CDC42EP4: variants seen among roughly 807,000 people sequenced by gnomAD.
CDC42EP4 encodes the protein CDC42 effector protein 4.
Under a neutral mutation model 5.6 loss-of-function variants are expected in CDC42EP4, and 6 were observed. The ratio of observed to expected loss-of-function variants is 1.07; its 90% confidence interval spans 0.59 to 2.12. CDC42EP4 has a LOEUF of 2.12. CDC42EP4 is among the 30% of genes most tolerant of loss of function. The probability of loss-of-function intolerance (pLI) is 0.00; values close to 1 mark genes in which losing one functional copy is unlikely to be tolerated. For missense variants in CDC42EP4, 490 were observed against 508.6 expected, an observed-to-expected ratio of 0.96 and a Z score of 0.35; for synonymous variants, 230 against 224.2, an observed-to-expected ratio of 1.03 and a Z score of -0.23.
chr17:73,293,948 T>A (rs907763925), intron 1 of CDC42EP4, among the ~76,000 whole-genome samples: 15 of 152,298 alleles, frequency 9.8e-5, no homozygotes, highest in Non-Finnish European at 1.9e-4. Context: ...ATCTTTTAAC[T>A]CCTTCATGTG....
At chr17:73,310,635 C>T (rs1208189613) in intron 1 of CDC42EP4, among the ~76,000 whole-genome samples, 1 of 152,072 alleles carries the variant, frequency 6.6e-6, no homozygotes. Flanking sequence ...ATTGTATTTC[C>T]CCTCCATTCT....
chr17:73,302,099 G>C (rs1489348069), intron 1 of CDC42EP4, among the ~76,000 whole-genome samples: 1 of 152,214 alleles, frequency 6.6e-6, no homozygotes, highest in South Asian at 2.1e-4. Flanking sequence ...CTCCCAAAGT[G>C]CTAGGATTAC....
chr17:73,298,541 T>C (rs1418430820), intron 1 of CDC42EP4, among the ~76,000 whole-genome samples: 1 of 152,108 alleles, frequency 6.6e-6, no homozygotes, highest in Non-Finnish European at 1.5e-5. Flanking sequence ...CTTCTATAGC[T>C]CTAGCTTGGC....
Position 73,285,187 on chromosome 17 carries a change from T to C in CDC42EP4, c.*243A>G, listed in dbSNP as rs762623871. On this transcript the variant is annotated 3_prime_UTR_variant, in exon 2 of 2. Transcript: ENST00000335793. This position sits in a 1 kb window ranked among gnomAD's most constrained non-coding sequence, Gnocchi z 6.8. ...TCCTGCTGTGACAACACAGCCCTTGTCCCACGCAGCCTAAGTGCAGGGAGC... is the reference window on the plus strand; with the variant it reads ...TCCTGCTGTGACAACACAGCCCTTGCCCCACGCAGCCTAAGTGCAGGGAGC... The C allele has an allele frequency of 1.6e-5, 6 of 381,426 alleles. No individual in the cohort carries two copies. The highest frequency in any genetic ancestry group is 2.8e-5 in the Non-Finnish European group (6 of 211,812). The allele number at this position is 381,426 out of a possible 1,614,324, so 23.6% of individuals were successfully genotyped here.
intron 1 of CDC42EP4, among the ~76,000 whole-genome samples, chr17:73,288,674 C>T (rs1057136022): frequency 6.6e-6 from 1 of 152,118 alleles, no homozygotes; most frequent in African/African-American, 2.4e-5. Flanking sequence ...AGTCCAGCAC[C>T]TCCCTCCTCT....
At chr17:73,297,113 G>GTGA (rs2062191739) in intron 1 of CDC42EP4, among the ~76,000 whole-genome samples, 1 of 151,164 alleles carries the variant, frequency 6.6e-6, no homozygotes, top group South Asian at 2.1e-4. Context: ...GGCCAACATG[G>GTGA]TGAAACCCCA....
intron 1 of CDC42EP4, among the ~76,000 whole-genome samples, chr17:73,307,760 C>CTTTTTT (rs539543636): frequency 9.3e-6 from 1 of 107,186 alleles, no homozygotes; most frequent in African/African-American, 3.7e-5. Flanking sequence ...GAATTTCTCT[C>CTTTTTT]TTTTTTTTTT....
chr17:73,285,313 C>T lies in CDC42EP4; in HGVS notation c.*117G>A. 1 of 816,890 alleles carries T rather than the reference C, an allele frequency of 1.2e-6. No individual in the cohort carries two copies. The allele number at this position is 816,890 out of a possible 1,614,324, so 50.6% of individuals were successfully genotyped here. ...GTCCCTCATCTACAAGGTCCAGGGT[C>T]CATGGTCTGAATCAAGGGTCCTGGC... On this transcript the variant is annotated 3_prime_UTR_variant, in exon 2 of 2. Transcript: ENST00000335793. The surrounding 1 kb of genome is among the most constrained non-coding windows in gnomAD (Gnocchi z 6.8).
intron 1 of CDC42EP4, among the ~76,000 whole-genome samples, chr17:73,299,472 CACACACAT>C (rs1292326569): frequency 4.3e-5 from 6 of 138,772 alleles, no homozygotes; most frequent in African/African-American, 1.6e-4. Context: ...CACACACACA[CACACACAT>C]TTTTAGTAGA....
At chr17:73,288,987 C>T (rs1365716932) in intron 1 of CDC42EP4, among the ~76,000 whole-genome samples, 2 of 152,206 alleles carry the variant, frequency 1.3e-5, no homozygotes, top group African/African-American at 4.8e-5. Context: ...AGCTCTCTCT[C>T]CTCCCTACCC....
intron 1 of CDC42EP4, among the ~76,000 whole-genome samples, chr17:73,299,585 C>A (rs563689320): frequency 6.6e-6 from 1 of 152,178 alleles, no homozygotes; most frequent in South Asian, 2.1e-4. Flanking sequence ...ATTACAAGCA[C>A]GAACCGTTGC....
At chr17:73,298,990 C>T (rs1413454874) in intron 1 of CDC42EP4, among the ~76,000 whole-genome samples, 1 of 151,586 alleles carries the variant, frequency 6.6e-6, no homozygotes, top group Non-Finnish European at 1.5e-5. Flanking sequence ...CACGGCATTG[C>T]TGTCACCCAG....
intron 1 of CDC42EP4, among the ~76,000 whole-genome samples, chr17:73,289,745 G>A (rs2062151687): frequency 1.4e-5 from 2 of 146,486 alleles, no homozygotes; most frequent in South Asian, 2.2e-4. Context: ...GAGGGAGGAA[G>A]GGAGGGAGGA....
intron 1 of CDC42EP4, among the ~76,000 whole-genome samples, chr17:73,291,312 GGGCTGCAGTACCTGGCAGTC>G (rs1429742904): frequency 1.3e-5 from 2 of 152,164 alleles, no homozygotes; most frequent in African/African-American, 4.8e-5. Context: ...AGCGAGGAGG[GGGCTGCAGTACCTGGCAGTC>G]CACACTGGGG....
chr17:73,293,291 C>CA (rs2062170069), intron 1 of CDC42EP4, among the ~76,000 whole-genome samples: 2 of 152,184 alleles, frequency 1.3e-5, no homozygotes, highest in Non-Finnish European at 2.9e-5. Context: ...GGAATTCAGT[C>CA]AGGAGGCTGT....
intron 1 of CDC42EP4, among the ~76,000 whole-genome samples, chr17:73,300,680 C>T (rs1269912515): frequency 6.6e-6 from 1 of 152,200 alleles, no homozygotes; most frequent in Admixed American, 6.6e-5. Context: ...AGACTTCACA[C>T]TACACAATAT....
chr17:73,296,291 G>A (rs7214123), intron 1 of CDC42EP4, among the ~76,000 whole-genome samples: 35,927 of 150,990 alleles, frequency 0.24, 4,883 homozygotes, highest in Middle Eastern at 0.31. Context: ...GGTGGTGTGC[G>A]CCTGTAATCC....
In CDC42EP4 at chr17:73,285,553, G is replaced by T; in HGVS notation, c.948C>A (p.Gly316=). 6.2e-7 allele frequency: 1 copy of T among 1,612,064 alleles called. No homozygotes were observed. ...DSSSLSSCTS[G]ILEERSPAFR... ...AGGCAGGGCTGCGCTCCTCCAGGAT[G>T]CCTGAGGTGCAGCTGGAGAGGGAGC... The change falls in exon 2 of 2, where the codon GGC becomes GGA. Residue 316 remains glycine (G), a synonymous_variant. Transcript: ENST00000335793. The surrounding 1 kb of genome is among the most constrained non-coding windows in gnomAD (Gnocchi z 6.8).
At chr17:73,309,388 A>G (rs571299222) in intron 1 of CDC42EP4, among the ~76,000 whole-genome samples, 24 of 152,144 alleles carry the variant, frequency 1.6e-4, no homozygotes, top group Non-Finnish European at 2.9e-4. Context: ...TTTAAAATCA[A>G]AAGACTGGTG....
Sources: gnomAD v4.1 joint callset for allele counts (sites outside exome capture counted in the v4.1 genomes callset) on GRCh38, gnomAD v4.1.1 for gene constraint, Gnocchi (gnomAD v3.1) non-coding constraint, MANE v1.5 for transcripts, NCBI Gene and HGNC (gene_info 2026-07-23, HGNC 2026-07-21) for gene names.